Variants in ATG13 observed in about 807,000 individuals in gnomAD.
The protein encoded by ATG13 is autophagy-related protein 13.
A neutral mutation model predicts 65.5 loss-of-function variants in ATG13; 23 were observed. The ratio of observed to expected loss-of-function variants is 0.35; its 90% confidence interval spans 0.25 to 0.50. The LOEUF is 0.50. Among genes scored for constraint, ATG13 ranks in the 20% least tolerant of loss-of-function variants. ATG13 has a pLI of 0.98. For synonymous variants in ATG13, 252 were observed against 245.2 expected, an observed-to-expected ratio of 1.03 and a Z score of -0.26; for missense variants, 566 against 677.0, an observed-to-expected ratio of 0.84 and a Z score of 1.82.
intron 1 of ATG13, among the ~76,000 whole-genome samples, chr11:46,627,416 A>T (rs142345350): frequency 6.6e-6 from 1 of 152,260 alleles, no homozygotes; most frequent in East Asian, 1.9e-4. Context: ...ATGTAAAATT[A>T]TAAATTAAAT....
At chr11:46,655,837 A>G (rs1044846904) in intron 7 of ATG13, among the ~76,000 whole-genome samples, 2 of 152,142 alleles carry the variant, frequency 1.3e-5, no homozygotes, top group Non-Finnish European at 2.9e-5. Flanking sequence ...TCCTGGGCTT[A>G]AGTGATCCTC....
intron 1 of ATG13, among the ~76,000 whole-genome samples, chr11:46,619,352 C>G (rs1256798991): frequency 2.0e-5 from 2 of 101,332 alleles, no homozygotes; most frequent in African/African-American, 7.7e-5. Flanking sequence ...TTTTAATGTC[C>G]TTGGAAGGTA....
chr11:46,618,782 C>G (rs1278190724), intron 1 of ATG13, among the ~76,000 whole-genome samples: 3 of 151,828 alleles, frequency 2.0e-5, no homozygotes, highest in Non-Finnish European at 4.4e-5. Flanking sequence ...CATTTATCAG[C>G]TCAGGAGAAG....
chr11:46,632,158 A>G (rs1392078296), intron 2 of ATG13, among the ~76,000 whole-genome samples: 3 of 152,238 alleles, frequency 2.0e-5, no homozygotes, highest in Non-Finnish European at 4.4e-5. Flanking sequence ...TTAAAGGGAT[A>G]GCAATATTTG....
At chr11:46,632,950 G>A (rs1157074547) in intron 2 of ATG13, among the ~76,000 whole-genome samples, 1 of 146,240 alleles carries the variant, frequency 6.8e-6, no homozygotes, top group East Asian at 2.0e-4. Flanking sequence ...ATCACTTGAG[G>A]CAAGCAGTTT....
chr11:46,643,832 G>GT (rs1369468072), intron 2 of ATG13, among the ~76,000 whole-genome samples: 1 of 151,918 alleles, frequency 6.6e-6, no homozygotes, highest in Non-Finnish European at 1.5e-5. Context: ...CTATATGTAT[G>GT]TTTTTTTCTG....
intron 8 of ATG13, 104 bp from the exon 9 acceptor site, chr11:46,656,991 A>G (rs1044416432): frequency 1.3e-5 from 12 of 916,840 alleles, no homozygotes; most frequent in South Asian, 8.0e-5. Flanking sequence ...TAAGTGGATA[A>G]TGCCAGAGAT....
In ATG13 at chr11:46,650,284, G is replaced by A; in HGVS notation, c.425G>A (p.Arg142Lys). The A allele has an allele frequency of 6.2e-7, 1 of 1,614,016 alleles. No individual in the cohort carries two copies. Among genetic ancestry groups the A allele is most frequent in the Non-Finnish European group, 8.5e-7 (1 of 1,179,982 alleles). Residue 142 changes from arginine (R) to lysine (K), a missense_variant, in exon 7 of 19, where the codon AGG becomes AAG. Physicochemically the swap from Arg to Lys is conservative, Grantham distance 26 (BLOSUM62 2). This residue lies in a region of ATG13 where 179 missense variants were observed against 267.2 expected (regional missense o/e 0.67). Transcript: ENST00000683050. ...GTGACACCAGCCTATAGGCTCTCCAGGAAACAAGGGCATGAATATGTCATA... is the reference window on the plus strand; with the variant it reads ...GTGACACCAGCCTATAGGCTCTCCAAGAAACAAGGGCATGAATATGTCATA... ...TRVTPAYRLS[R>K]KQGHEYVILY... is the part of the protein sequence containing the mutation.
At chr11:46,659,090 G>A (rs1385529961) in intron 10 of ATG13, among the ~76,000 whole-genome samples, 1 of 152,166 alleles carries the variant, frequency 6.6e-6, no homozygotes, top group Admixed American at 6.5e-5. Context: ...CGAGGCTGAA[G>A]CAGGAGGATT....
chr11:46,669,281 A>G, intron 17 of ATG13, 123 bp from the exon 18 acceptor site: 4 of 1,229,006 alleles, frequency 3.3e-6, no homozygotes, highest in Admixed American at 2.1e-5. Context: ...AAGTGTAAAG[A>G]TTTCTCTCCC....
chr11:46,669,086 G>A (rs1304023223), intron 17 of ATG13, among the ~76,000 whole-genome samples, 176 bp downstream of exon 17: 1 of 152,140 alleles, frequency 6.6e-6, no homozygotes, highest in Non-Finnish European at 1.5e-5. Context: ...AAACAACAAG[G>A]CATTTTTTGT....
rs147062916 is a variant in ATG13 at position 46,669,425 on chromosome 11, G to A, written c.1468G>A (p.Asp490Asn). 1.7e-5 allele frequency: 27 copies of A among 1,614,110 alleles called. No individual in the cohort carries two copies. The African/African-American group carries it at 2.0e-4, about 12-fold the overall frequency. Residue 490 changes from aspartate to asparagine, a missense_variant, in exon 18 of 19, where the codon GAC becomes AAC. Transcript: ENST00000683050. ...GAAGAAACCAGCTTTTTCTAAAGAT[G>A]ACATTCTTCCGATGGACCTGGGGAC... ...IDFKPAFSKDDILPMDLGTFY... is the reference protein window; with the variant it reads ...IDFKPAFSKDNILPMDLGTFY...
intron 11 of ATG13, among the ~76,000 whole-genome samples, chr11:46,663,352 A>G (rs1243502090): frequency 6.6e-6 from 1 of 152,016 alleles, no homozygotes; most frequent in Non-Finnish European, 1.5e-5. Flanking sequence ...TAGCTTTGAA[A>G]TCATAAGAGT....
chr11:46,659,424 C>T lies in ATG13; in HGVS notation c.728C>T (p.Pro243Leu), dbSNP rs201760220. ...TAGEDTGVIY[P>L]SVEDSQEVCT... The stretch of plus-strand genomic sequence containing the variant: ...GGTGAGGACACTGGAGTAATATACC[C>T]GTCTGTAGAAGACTCTCAAGAAGTG... Residue 243 changes from proline to leucine, a missense_variant, in exon 11 of 19, where the codon CCG (proline) becomes CTG (leucine). Coordinates refer to ENST00000683050, the MANE Select transcript of ATG13 (RefSeq NM_001346311.2). 1.3e-4 allele frequency: 203 copies of T among 1,613,948 alleles called. No homozygotes were observed. In the African/African-American group the frequency reaches 1.4e-3, roughly 11 times the overall value.
chr11:46,669,056 G>A (rs997407138), intron 17 of ATG13, 146 bp downstream of exon 17: 28 of 759,730 alleles, frequency 3.7e-5, no homozygotes, highest in Admixed American at 1.5e-4. Context: ...CTGGTCTGGG[G>A]AGACATTTTG....
At chr11:46,671,296 T>C (rs1422786799) in intron 18 of ATG13, among the ~76,000 whole-genome samples, 1 of 152,256 alleles carries the variant, frequency 6.6e-6, no homozygotes, top group Non-Finnish European at 1.5e-5. Context: ...ATGCAGCTTC[T>C]GTTCATTTAG....
chr11:46,671,206 A>G (rs2063644112), intron 18 of ATG13, among the ~76,000 whole-genome samples: 1 of 152,192 alleles, frequency 6.6e-6, no homozygotes, highest in African/African-American at 2.4e-5. Flanking sequence ...AAAAACTCTG[A>G]GGCAAGAGAC....
intron 4 of ATG13, 30 bp downstream of exon 4, chr11:46,645,449 A>G: frequency 6.3e-7 from 1 of 1,576,076 alleles, no homozygotes; most frequent in Non-Finnish European, 8.7e-7. Flanking sequence ...TAAGGTGTAT[A>G]CTGTAGTGTT....
intron 1 of ATG13, among the ~76,000 whole-genome samples, chr11:46,628,168 C>T (rs187706201): frequency 6.1e-4 from 92 of 151,712 alleles, no homozygotes; most frequent in Admixed American, 1.8e-3. Context: ...TTTGGGAGAC[C>T]GAGGTGGGCA....
Sources: allele counts gnomAD v4.1 joint callset (sites outside exome capture counted in the v4.1 genomes callset), GRCh38; gene constraint gnomAD v4.1.1; regional missense constraint gnomAD v4.1.1; transcripts MANE v1.5; gene names NCBI Gene and HGNC (gene_info 2026-07-23, HGNC 2026-07-21).